ABCC1: variants seen among roughly 807,000 people sequenced by gnomAD.
ABCC1 encodes ATP binding cassette subfamily C member 1 (ABCC1 blood group), also known as multidrug resistance-associated protein 1.
ABCC1 carries 83 observed loss-of-function variants against 172.9 expected under a neutral mutation model. The ratio of observed to expected loss-of-function variants is 0.48; its 90% CI spans 0.40 to 0.58. The LOEUF (loss-of-function observed/expected upper bound fraction) is 0.58. ABCC1 is among the 20% of genes least tolerant of loss of function. The pLI is 0.00. For synonymous variants in ABCC1, 937 were observed against 825.2 expected (o/e 1.14, Z -2.32); for missense variants, 1,817 against 2,002.7 (o/e 0.91, Z 1.77).
At chr16:16,083,813 C>T (rs1430477620) in intron 17 of ABCC1, among the ~76,000 whole-genome samples, 2 of 152,052 alleles carry the variant, frequency 1.3e-5, no homozygotes, top group Non-Finnish European at 2.9e-5. Context: ...CAGCAGAGGC[C>T]CAAGATAGGC....
rs147374065 is a variant in ABCC1, at chr16:16,060,336, G to A, written c.1677+4041G>A. On this transcript the variant is annotated intron_variant, in intron 12 of 30. Coordinates refer to ENST00000399410, the MANE Select transcript of ABCC1 (RefSeq NM_004996.4). ...TTCTTTCCCACTGAGTTATGTTCAA[G>A]CAGCCCTCCAGGTGACTGGTGCCAG... Among the ~76,000 whole-genome samples the A allele has an allele frequency of 4.6e-3, 701 of 152,268 alleles. 5 individuals are homozygous for A. The highest frequency in any genetic ancestry group is 0.016 in the African/African-American group (675 of 41,542).
chr16:16,089,768 G>A (rs1180946103), intron 18 of ABCC1, among the ~76,000 whole-genome samples: 5 of 147,886 alleles, frequency 3.4e-5, no homozygotes, highest in African/African-American at 7.3e-5. Flanking sequence ...TCCCAGCTAC[G>A]CGGGAGGGAG....
intron 2 of ABCC1, among the ~76,000 whole-genome samples, chr16:16,008,842 C>CAA (rs1208088210): frequency 0.012 from 736 of 59,462 alleles, 14 homozygotes; most frequent in African/African-American, 0.031. Context: ...GACTCCTTCT[C>CAA]AAAAAAAAAA....
chr16:16,131,188 C>T (rs530418608), intron 26 of ABCC1, among the ~76,000 whole-genome samples: 6 of 152,178 alleles, frequency 3.9e-5, no homozygotes, highest in East Asian at 3.9e-4. Flanking sequence ...TGAGCATGAA[C>T]GTCACGTTAA....
intron 2 of ABCC1, 105 bp downstream of exon 2, chr16:16,008,097 G>A (rs1436256174): frequency 2.5e-6 from 3 of 1,190,396 alleles, no homozygotes; most frequent in Non-Finnish European, 3.5e-6. Flanking sequence ...TTGACCCTAA[G>A]TTCCTTCTTC....
At chr16:16,087,229 G>A (rs907146089) in intron 18 of ABCC1, among the ~76,000 whole-genome samples, 18 of 152,266 alleles carry the variant, frequency 1.2e-4, no homozygotes, top group African/African-American at 4.3e-4. Context: ...CATGGCCAAG[G>A]GAGGCCTCTC....
rs147481788 is a variant in ABCC1, at chr16:16,108,112, T to C, written c.2871+1239T>C. 4.2e-3 allele frequency among the ~76,000 whole-genome samples: 638 copies of C among 152,136 alleles called. 11 individuals are homozygous for C. The highest frequency in any genetic ancestry group is 0.015 in the African/African-American group (615 of 41,506). On this transcript the variant is annotated intron_variant, in intron 21 of 30. Coordinates refer to ENST00000399410, the MANE Select transcript of ABCC1 (RefSeq NM_004996.4). ...AGGAAGCCAGAGAAGTTACCCCAAA[T>C]CGCAGGACATGGGAAGGAAGGGCCA...
At chr16:16,013,855 AG>A (rs1567313850) in intron 3 of ABCC1, among the ~76,000 whole-genome samples, 2 of 151,880 alleles carry the variant, frequency 1.3e-5, no homozygotes, top group Non-Finnish European at 2.9e-5. Flanking sequence ...TAAAGTCCTG[AG>A]GGTCACAGGG....
At chr16:16,096,371 G>A (rs2051481912) in intron 19 of ABCC1, among the ~76,000 whole-genome samples, 1 of 152,080 alleles carries the variant, frequency 6.6e-6, no homozygotes, top group South Asian at 2.1e-4. Flanking sequence ...AAGATTGAGA[G>A]TATATCTTAG....
chr16:16,131,981 C>T (rs1371235925), intron 27 of ABCC1, 46 bp downstream of exon 27: 2 of 1,593,260 alleles, frequency 1.3e-6, no homozygotes, highest in Non-Finnish European at 1.7e-6. Flanking sequence ...CAGTCGGGCA[C>T]AGGGTGCCAT....
At chr16:16,125,752 AGG>A in intron 25 of ABCC1, 56 bp from the exon 26 acceptor site, 205 of 1,259,636 alleles carry the variant, frequency 1.6e-4, no homozygotes, top group South Asian at 6.8e-4. Context: ...AAAAAGAAAA[AGG>A]AAAGTCAAGT....
At chr16:16,097,429 G>A (rs1264287892) in intron 19 of ABCC1, among the ~76,000 whole-genome samples, 1 of 152,052 alleles carries the variant, frequency 6.6e-6, no homozygotes, top group Non-Finnish European at 1.5e-5. Flanking sequence ...AGGGCTTTTT[G>A]GTTGTCTCTC....
At chr16:15,988,354 G>A (rs889826075) in intron 1 of ABCC1, among the ~76,000 whole-genome samples, 1 of 152,098 alleles carries the variant, frequency 6.6e-6, no homozygotes, top group African/African-American at 2.4e-5. Flanking sequence ...CAGGAGGGCC[G>A]GCCCTTGGTC....
At chr16:16,122,910 G>A (rs1447975319) in intron 24 of ABCC1, among the ~76,000 whole-genome samples, 1 of 151,966 alleles carries the variant, frequency 6.6e-6, no homozygotes, top group Non-Finnish European at 1.5e-5. Flanking sequence ...GGAGATGGGG[G>A]TGGGAGATTG....
intron 24 of ABCC1, among the ~76,000 whole-genome samples, chr16:16,123,249 A>T (rs1473974966): frequency 6.6e-6 from 1 of 152,192 alleles, no homozygotes; most frequent in East Asian, 1.9e-4. Context: ...TGGAGAAAAG[A>T]TCAACACCCC....
chr16:16,040,891 G>A (rs2048952943), intron 7 of ABCC1, among the ~76,000 whole-genome samples: 1 of 152,088 alleles, frequency 6.6e-6, no homozygotes, highest in Non-Finnish European at 1.5e-5. Context: ...GGCTGTCCAT[G>A]AAGTCCCTTC....
At chr16:15,970,831 G>A (rs2046353007) in intron 1 of ABCC1, among the ~76,000 whole-genome samples, 1 of 152,188 alleles carries the variant, frequency 6.6e-6, no homozygotes, top group South Asian at 2.1e-4. Flanking sequence ...CTGAGCTCAA[G>A]CCATCTTCTT....
rs772810907 is a variant in ABCC1, at chr16:16,087,008, T to C, written c.2460+17T>C. 6.2e-7 allele frequency: 1 copy of C among 1,613,570 alleles called. No individual in the cohort carries two copies. The highest frequency in any genetic ancestry group is 8.5e-7 in the Non-Finnish European group (1 of 1,179,824). ...AAGAACAAGGTGCCTGCTGGCGGGGTGGGGCTTGGTGTTGGGCCGTCTCGC... is the reference window on the plus strand; with the variant it reads ...AAGAACAAGGTGCCTGCTGGCGGGGCGGGGCTTGGTGTTGGGCCGTCTCGC... On this transcript the variant is annotated intron_variant, in intron 18 of 30. Transcript: ENST00000399410.
intron 16 of ABCC1, among the ~76,000 whole-genome samples, chr16:16,080,775 A>G (rs556642488): frequency 6.6e-6 from 1 of 152,340 alleles, no homozygotes; most frequent in Non-Finnish European, 1.5e-5. Context: ...TATGTGTCCC[A>G]GGTGTACTTG....
Sources: allele counts gnomAD v4.1 joint callset (sites outside exome capture counted in the v4.1 genomes callset), GRCh38; gene constraint gnomAD v4.1.1; transcripts MANE v1.5; gene names NCBI Gene and HGNC (gene_info 2026-07-23, HGNC 2026-07-21).